LYG2: variants seen among roughly 807,000 people sequenced by gnomAD.
LYG2 encodes the protein lysozyme g-like protein 2.
A neutral mutation model predicts 22.4 loss-of-function variants in LYG2; 25 were observed. That is an observed-to-expected ratio of 1.12 (90% CI 0.81 to 1.56). The LOEUF (loss-of-function observed/expected upper bound fraction) is 1.56. LYG2 is among the 40% of genes most tolerant of loss of function. The pLI is 0.00. For missense variants in LYG2, 266 were observed against 269.5 expected (o/e 0.99, Z 0.09); for synonymous variants, 88 against 97.0 (o/e 0.91, Z 0.55).
At chr2:99,252,603 G>T (rs1005932525) in intron 3 of LYG2, among the ~76,000 whole-genome samples, 5 of 152,198 alleles carry the variant, frequency 3.3e-5, no homozygotes, top group African/African-American at 1.2e-4. Flanking sequence ...ATGAAGGAAT[G>T]AGACAGAAAG....
chr2:99,251,129 G>A (rs2094025833), intron 3 of LYG2, among the ~76,000 whole-genome samples: 1 of 152,072 alleles, frequency 6.6e-6, no homozygotes. Context: ...AAGGGAACAG[G>A]GATAGGGGAT....
chr2:99,255,960 G>A (rs1018484215), upstream of LYG2, among the ~76,000 whole-genome samples: 2 of 152,146 alleles, frequency 1.3e-5, no homozygotes, highest in African/African-American at 4.8e-5. Flanking sequence ...GAAATGGAAG[G>A]GACGTTCTTG....
intron 3 of LYG2, among the ~76,000 whole-genome samples, chr2:99,251,323 A>G (rs2094026159): frequency 6.6e-6 from 1 of 152,232 alleles, no homozygotes; most frequent in African/African-American, 2.4e-5. Flanking sequence ...ACTTTAAAAT[A>G]TATCCATATA....
Position 99,254,229 on chromosome 2 carries a change from A to G in LYG2, c.32T>C (p.Ile11Thr), listed in dbSNP as rs1300474109. MLSSVVFWGLIALIGTSRGSY... is the reference protein window; with the variant it reads MLSSVVFWGLTALIGTSRGSY... ...AGCCAGTGACTTACCAATGAGGGCA[A>G]TTAGTCCCCAAAACACCACGGAGGA... is the stretch of plus-strand genomic sequence containing the variant. The change falls in exon 3 of 7, where the codon ATT becomes ACT. Residue 11 changes from isoleucine (I) to threonine (T), a missense_variant. Physicochemically the swap from Ile to Thr is moderately conservative, Grantham distance 89 (BLOSUM62 -1). Transcript: ENST00000333017. The G allele has an allele frequency of 6.2e-7, 1 of 1,614,084 alleles. No homozygotes were observed. The highest frequency in any genetic ancestry group is 1.1e-5 in the South Asian group (1 of 91,078).
chr2:99,244,235 G>A (rs935044719), intron 5 of LYG2, 98 bp from the exon 6 acceptor site: 55 of 1,186,382 alleles, frequency 4.6e-5, no homozygotes, highest in African/African-American at 1.5e-5. Flanking sequence ...CATAGATACC[G>A]GCCTTTATCC....
chr2:99,244,183 A>AT, intron 5 of LYG2, 46 bp from the exon 6 acceptor site: 1 of 1,580,256 alleles, frequency 6.3e-7, no homozygotes, highest in East Asian at 2.2e-5. Flanking sequence ...GAGGTAACAC[A>AT]TTTTTTCTGC....
chr2:99,242,465 T>C lies in LYG2; in HGVS notation c.538A>G (p.Lys180Glu). ...QHLKGGLSAF[K>E]SGIEAIATPS... is the part of the protein sequence containing the mutation. Reference sequence around the variant, plus strand: ...GTGGCAATCGCTTCAATTCCTGACTTAAAAGCTGAGAGACCACCTGAAATG... The same window carrying C: ...GTGGCAATCGCTTCAATTCCTGACTCAAAAGCTGAGAGACCACCTGAAATG... Residue 180 changes from lysine to glutamate, a missense_variant, in exon 7 of 7, where the codon AAG becomes GAG. Lys to Glu is a moderately conservative substitution (Grantham distance 56). Coordinates refer to ENST00000333017, the MANE Select transcript of LYG2 (RefSeq NM_175735.4). 1.9e-6 allele frequency: 3 copies of C among 1,610,954 alleles called. No homozygotes were observed. The highest frequency in any genetic ancestry group is 2.5e-6 in the Non-Finnish European group (3 of 1,178,000).
At chr2:99,258,191 G>A (rs923459639), upstream of LYG2, among the ~76,000 whole-genome samples, 8 of 152,196 alleles carry the variant, frequency 5.3e-5, no homozygotes. Flanking sequence ...CAAGGAGGAT[G>A]ACCATAGCCA....
chr2:99,255,822 C>A (rs958053697), upstream of LYG2, among the ~76,000 whole-genome samples: 17 of 152,092 alleles, frequency 1.1e-4, no homozygotes, highest in Admixed American at 6.6e-5. Context: ...CTCATTTGCC[C>A]ATACTTGCTA....
At chr2:99,248,440 G>A (rs952563251) in intron 3 of LYG2, among the ~76,000 whole-genome samples, 1 of 152,020 alleles carries the variant, frequency 6.6e-6, no homozygotes, top group African/African-American at 2.4e-5. Flanking sequence ...TAGGGACATG[G>A]ATGAAATTGG....
chr2:99,247,722 T>C (rs1464761422), intron 3 of LYG2, among the ~76,000 whole-genome samples: 13 of 152,140 alleles, frequency 8.5e-5, no homozygotes, highest in Admixed American at 7.9e-4. Flanking sequence ...TAAGCCAAAA[T>C]TGACAAATGG....
At chr2:99,247,831 A>G (rs2094018954) in intron 3 of LYG2, among the ~76,000 whole-genome samples, 2 of 151,986 alleles carry the variant, frequency 1.3e-5, no homozygotes, top group African/African-American at 4.8e-5. Context: ...CAACCTACTC[A>G]TCTGACAAAG....
At chr2:99,252,817 C>T (rs941770028) in intron 3 of LYG2, among the ~76,000 whole-genome samples, 47 of 151,884 alleles carry the variant, frequency 3.1e-4, no homozygotes, top group African/African-American at 1.1e-3. Flanking sequence ...GAGGCCAAGG[C>T]GGACGGATCA....
At chr2:99,254,436 A>C in intron 2 of LYG2, 151 bp from the exon 3 acceptor site, 1 of 618,018 alleles carries the variant, frequency 1.6e-6, no homozygotes, top group Non-Finnish European at 2.8e-6. Flanking sequence ...GGCTCAGTAC[A>C]TAGTTTGTTG....
Position 99,242,444 on chromosome 2 carries a change from C to G in LYG2, c.559G>C (p.Ala187Pro). Residue 187 changes from alanine (A) to proline (P), a missense_variant, in exon 7 of 7, where the codon GCC (alanine) becomes CCC (proline). Ala to Pro is a conservative substitution (Grantham distance 27). Transcript: ENST00000333017. The part of the protein sequence containing the change: ...SAFKSGIEAI[A>P]TPSDIDNDFV... ...TCATTGTCTATGTCCGATGGGGTGG[C>G]AATCGCTTCAATTCCTGACTTAAAA... is the stretch of plus-strand genomic sequence containing the variant. The G allele has an allele frequency of 6.2e-7, 1 of 1,612,734 alleles. No individual in the cohort carries two copies. The highest frequency in any genetic ancestry group is 8.5e-7 in the Non-Finnish European group (1 of 1,179,320).
chr2:99,256,587 G>A (rs565861695), upstream of LYG2, among the ~76,000 whole-genome samples: 7 of 152,308 alleles, frequency 4.6e-5, no homozygotes, highest in Admixed American at 2.0e-4. Flanking sequence ...AAGAAGTTAC[G>A]AATGATAAGT....
chr2:99,246,630 T>C, intron 4 of LYG2, 50 bp downstream of exon 4: 1 of 1,585,844 alleles, frequency 6.3e-7, no homozygotes, highest in Non-Finnish European at 8.6e-7. Flanking sequence ...AGAAAGAATC[T>C]GAAAACGATG....
At chr2:99,246,584 G>A (rs775947843) in intron 4 of LYG2, 96 bp downstream of exon 4, 1 of 1,380,266 alleles carries the variant, frequency 7.2e-7, no homozygotes, top group Non-Finnish European at 9.9e-7. Flanking sequence ...TTGTCATAAT[G>A]ATGATTATAC....
intron 3 of LYG2, among the ~76,000 whole-genome samples, chr2:99,253,048 CAAAAA>C (rs35859472): frequency 1.5e-5 from 1 of 67,284 alleles, no homozygotes. Flanking sequence ...GACTCTGTCT[CAAAAA>C]AAAAAAAAAA....
Sources: allele counts gnomAD v4.1 joint callset (sites outside exome capture counted in the v4.1 genomes callset), GRCh38; gene constraint gnomAD v4.1.1; transcripts MANE v1.5; gene names NCBI Gene and HGNC (gene_info 2026-07-23, HGNC 2026-07-21).